Variants in VRK2 observed in about 807,000 individuals in gnomAD.
VRK2 encodes VRK serine/threonine kinase 2.
Under a neutral mutation model 57.6 loss-of-function variants are expected in VRK2, and 60 were observed. That is an observed-to-expected ratio of 1.04 (90% CI 0.85 to 1.29). The LOEUF (loss-of-function observed/expected upper bound fraction) is 1.29, where lower values mean the gene tolerates loss of function less well. Ranked by LOEUF, VRK2 falls within the 50% of genes most tolerant of loss-of-function variation. The probability of loss-of-function intolerance (pLI) is 0.00; values close to 1 mark genes in which losing one functional copy is unlikely to be tolerated. For missense variants in VRK2, 705 were observed against 588.1 expected (o/e 1.20, Z -2.06); for synonymous variants, 231 against 199.2 (o/e 1.16, Z -1.35).
chr2:58,080,854 A>G (rs1214533303), intron 2 of VRK2, among the ~76,000 whole-genome samples: 3 of 151,920 alleles, frequency 2.0e-5, no homozygotes, highest in Non-Finnish European at 4.4e-5. Flanking sequence ...AATTACTGAC[A>G]TATGTAATCA....
intron 1 of VRK2, among the ~76,000 whole-genome samples, chr2:57,983,714 G>A (rs1363231011): frequency 6.6e-6 from 1 of 152,126 alleles, no homozygotes; most frequent in Non-Finnish European, 1.5e-5. Flanking sequence ...ACAAAAACAT[G>A]TTAGAAAATC....
intron 7 of VRK2, among the ~76,000 whole-genome samples, chr2:58,114,618 GGT>G (rs1676135996): frequency 1.3e-5 from 2 of 152,180 alleles, no homozygotes; most frequent in South Asian, 4.1e-4. Flanking sequence ...AGCTTGGTGA[GGT>G]GTGTTTTTAA....
intron 1 of VRK2, among the ~76,000 whole-genome samples, chr2:57,998,052 T>C (rs560647976): frequency 2.0e-5 from 3 of 152,304 alleles, no homozygotes; most frequent in African/African-American, 2.4e-5. Flanking sequence ...GACTGGGACA[T>C]ACTGGCTACA....
chr2:58,105,480 T>A lies in VRK2; in HGVS notation c.543+15757T>A, dbSNP rs183021026. ...TCACTAATCATCAGAGAAATGCAAA[T>A]TAAAACCAACTGAGATATCATCTTA... On this transcript the variant is annotated intron_variant, in intron 7 of 12. Coordinates refer to ENST00000340157, the MANE Select transcript of VRK2 (RefSeq NM_006296.7). 4.8e-4 allele frequency among the ~76,000 whole-genome samples: 73 copies of A among 152,000 alleles called. 1 individual carries two copies. Among genetic ancestry groups the A allele is most frequent in the Admixed American group, 4.7e-3 (72 of 15,232 alleles).
At chr2:58,086,314 T>C in intron 4 of VRK2, 25 bp from the exon 5 acceptor site, 1 of 1,571,024 alleles carries the variant, frequency 6.4e-7, no homozygotes, top group South Asian at 1.2e-5. Flanking sequence ...CATGAATCTT[T>C]TTAAAAATAA....
intron 2 of VRK2, among the ~76,000 whole-genome samples, chr2:58,030,246 C>T (rs1390112796): frequency 6.6e-6 from 1 of 152,098 alleles, no homozygotes; most frequent in East Asian, 1.9e-4. Context: ...AAACACTTAG[C>T]AATTTCACAC....
At chr2:58,063,554 C>T (rs1051119556) in intron 2 of VRK2, among the ~76,000 whole-genome samples, 1 of 151,962 alleles carries the variant, frequency 6.6e-6, no homozygotes, top group African/African-American at 2.4e-5. Flanking sequence ...TTGAAACCTA[C>T]TTCTCAGAAA....
At chr2:58,049,983 G>A (rs116537905) in intron 2 of VRK2, among the ~76,000 whole-genome samples, 1 of 151,992 alleles carries the variant, frequency 6.6e-6, no homozygotes, top group Non-Finnish European at 1.5e-5. Flanking sequence ...ACAAAAAATT[G>A]TATGAGTCAA....
chr2:58,154,892 AAT>A (rs1346219040), intron 12 of VRK2: 1 of 591,178 alleles, frequency 1.7e-6, no homozygotes, highest in Non-Finnish European at 3.1e-6. Flanking sequence ...TTCACTTCAA[AAT>A]ATATTTCCCC....
intron 1 of VRK2, among the ~76,000 whole-genome samples, chr2:57,936,728 T>C (rs1310661521): frequency 1.3e-5 from 2 of 152,148 alleles, no homozygotes; most frequent in African/African-American, 2.4e-5. Context: ...CTTATCCTTA[T>C]ACCTACAGAG....
intron 7 of VRK2, among the ~76,000 whole-genome samples, chr2:58,109,399 A>C (rs776532507): frequency 2.6e-5 from 4 of 152,156 alleles, no homozygotes; most frequent in Non-Finnish European, 5.9e-5. Flanking sequence ...CTTGTGCTTA[A>C]AAGGATCTGT....
At chr2:58,158,997 G>GCTAT (rs1040491624) in intron 12 of VRK2, among the ~76,000 whole-genome samples, 13 of 151,966 alleles carry the variant, frequency 8.6e-5, no homozygotes, top group Admixed American at 2.0e-4. Context: ...TCTAATTATG[G>GCTAT]CTATCTTACC....
intron 2 of VRK2, among the ~76,000 whole-genome samples, chr2:58,026,315 TGAGAAA>T (rs1210888850): frequency 6.6e-6 from 1 of 151,894 alleles, no homozygotes; most frequent in Non-Finnish European, 1.5e-5. Flanking sequence ...TGCACATGTG[TGAGAAA>T]GAGAAAGTGA....
At chr2:58,031,242 C>G (rs1188184484) in intron 2 of VRK2, among the ~76,000 whole-genome samples, 1 of 152,028 alleles carries the variant, frequency 6.6e-6, no homozygotes, top group African/African-American at 2.4e-5. Context: ...ACCAACTGAG[C>G]AAAAGCAGAT....
intron 1 of VRK2, among the ~76,000 whole-genome samples, chr2:57,934,607 A>C (rs1417030462): frequency 6.6e-6 from 1 of 152,184 alleles, no homozygotes; most frequent in Admixed American, 6.5e-5. Context: ...AGGTGTTCAT[A>C]TGTTCCCCCC....
intron 7 of VRK2, among the ~76,000 whole-genome samples, chr2:58,117,130 A>C (rs1230345477): frequency 6.6e-6 from 1 of 152,014 alleles, no homozygotes; most frequent in Non-Finnish European, 1.5e-5. Flanking sequence ...ATTGAGAATA[A>C]GATGGCCTTT....
intron 2 of VRK2, among the ~76,000 whole-genome samples, chr2:58,059,407 A>G (rs773021383): frequency 6.6e-5 from 10 of 151,978 alleles, no homozygotes; most frequent in African/African-American, 2.4e-4. Flanking sequence ...TATGATTTTA[A>G]TAAGCACCAT....
At chr2:58,085,140 A>G (rs933147993) in intron 4 of VRK2, 190 bp downstream of exon 4, 1 of 167,536 alleles carries the variant, frequency 6.0e-6, no homozygotes, top group Non-Finnish European at 1.2e-5. Context: ...TGACATACAT[A>G]ATGGGTTATA....
At chr2:58,141,035 A>G (rs986169132) in intron 11 of VRK2, among the ~76,000 whole-genome samples, 4 of 152,054 alleles carry the variant, frequency 2.6e-5, no homozygotes, top group African/African-American at 9.7e-5. Context: ...TGTCAGCACT[A>G]TTTACGTATT....
Sources: gnomAD v4.1 joint callset for allele counts (sites outside exome capture counted in the v4.1 genomes callset) on GRCh38, gnomAD v4.1.1 for gene constraint, MANE v1.5 for transcripts, NCBI Gene and HGNC (gene_info 2026-07-23, HGNC 2026-07-21) for gene names.